Variants in ZNF148 observed in about 807,000 individuals in gnomAD.
ZNF148 encodes Beta-Enolase Repressor Factor-1.
In ZNF148, 7 loss-of-function variants were observed where a neutral mutation model predicts 67.7. The observed-to-expected ratio is 0.10, with a 90% CI of 0.06 to 0.19. The LOEUF (loss-of-function observed/expected upper bound fraction) is 0.19. ZNF148 is among the 10% of genes least tolerant of loss of function. The probability of loss-of-function intolerance (pLI) is 1.00; values close to 1 mark genes in which losing one functional copy is unlikely to be tolerated. For synonymous variants in ZNF148, 333 were observed against 330.7 expected, an observed-to-expected ratio of 1.01 and a Z score of -0.08; for missense variants, 583 against 947.1, an observed-to-expected ratio of 0.62 and a Z score of 5.05.
intron 5 of ZNF148, among the ~76,000 whole-genome samples, chr3:125,284,314 G>A (rs1938544288): frequency 6.6e-6 from 1 of 152,132 alleles, no homozygotes; most frequent in Admixed American, 6.5e-5. Context: ...AACTTCTAGT[G>A]TCAAGATTTG....
intron 3 of ZNF148, among the ~76,000 whole-genome samples, chr3:125,319,204 C>T (rs1940662949): frequency 1.3e-5 from 2 of 152,122 alleles, no homozygotes; most frequent in South Asian, 4.2e-4. Context: ...TGGTCACCTT[C>T]TAATTTAATG....
intron 7 of ZNF148, among the ~76,000 whole-genome samples, chr3:125,249,900 A>G (rs1156949382): frequency 6.6e-6 from 1 of 152,204 alleles, no homozygotes; most frequent in South Asian, 2.1e-4. Context: ...GGAGGACATT[A>G]TATTAGTTGA....
intron 5 of ZNF148, among the ~76,000 whole-genome samples, chr3:125,280,596 C>G (rs761512632): frequency 3.7e-4 from 56 of 150,976 alleles, no homozygotes; most frequent in Non-Finnish European, 6.3e-4. Context: ...ATGGGAGGAT[C>G]ACTTGGGCCA....
chr3:125,232,046 T>G lies in ZNF148; in HGVS notation c.*295A>C. On this transcript the variant is annotated 3_prime_UTR_variant, in exon 9 of 9. Coordinates refer to ENST00000360647, the MANE Select transcript of ZNF148 (RefSeq NM_021964.3). The surrounding 1 kb of genome is among the most constrained non-coding windows in gnomAD (Gnocchi z 4.2). ...TACAATGTTATCAGTTAGGAAACAA[T>G]TGTGCGAAAGTCTTTTTTTTTTCCT... is the stretch of plus-strand genomic sequence containing the variant. 3.7e-6 allele frequency: 1 copy of G among 270,994 alleles called. No homozygotes were observed. The highest frequency in any genetic ancestry group is 7.0e-6 in the Non-Finnish European group (1 of 142,928). 16.8% of individuals were successfully genotyped at this position (270,994 alleles called of 1,614,324 possible).
chr3:125,286,874 C>G (rs533358823), intron 5 of ZNF148, among the ~76,000 whole-genome samples: 14 of 152,230 alleles, frequency 9.2e-5, no homozygotes, highest in African/African-American at 3.4e-4. Flanking sequence ...ATTTTAGTCT[C>G]TATGTTTTTC....
In ZNF148 at chr3:125,317,631, T is replaced by C. The variant is rs867795639; in HGVS notation, c.-16-3975A>G. Among the ~76,000 whole-genome samples the C allele has an allele frequency of 5.0e-4, 49 of 97,406 alleles. 1 individual carries two copies. The highest frequency in any genetic ancestry group is 7.0e-3 in the Middle Eastern group (1 of 142). The allele number at this position is 97,406 out of a possible 152,430, so 63.9% of individuals were successfully genotyped here. A position where few individuals can be genotyped will look rare whatever the true frequency, so the allele number is the denominator to read the frequency against. On this transcript the variant is annotated intron_variant, in intron 3 of 8. Coordinates refer to ENST00000360647, the MANE Select transcript of ZNF148 (RefSeq NM_021964.3). Reference sequence around the variant, plus strand: ...AAAAAATCAAGGAGAACTATGTAGATAGTAAGATCTTTTATATATATATAT... The same window carrying C: ...AAAAAATCAAGGAGAACTATGTAGACAGTAAGATCTTTTATATATATATAT...
intron 1 of ZNF148, among the ~76,000 whole-genome samples, chr3:125,358,465 G>C (rs1473241895): frequency 6.6e-6 from 1 of 151,888 alleles, no homozygotes; most frequent in Non-Finnish European, 1.5e-5. Flanking sequence ...CGTTTTTCTT[G>C]TCTGTTCTCA....
In ZNF148 at chr3:125,232,265, C is replaced by A. The variant is rs996304269; in HGVS notation, c.*76G>T. On this transcript the variant is annotated 3_prime_UTR_variant, in exon 9 of 9. Coordinates refer to ENST00000360647, the MANE Select transcript of ZNF148 (RefSeq NM_021964.3). This position sits in a 1 kb window ranked among gnomAD's most constrained non-coding sequence, Gnocchi z 4.2. ...ATTGCTCTTAAATCTGTACAGCACT[C>A]CATTTACACAGAGTAACCCCACTCT... is the stretch of plus-strand genomic sequence containing the variant. The A allele has an allele frequency of 7.7e-5, 113 of 1,473,250 alleles. No homozygotes were observed. The highest frequency in any genetic ancestry group is 9.4e-5 in the Non-Finnish European group (104 of 1,105,678). 91.3% of individuals were successfully genotyped at this position (1,473,250 alleles called of 1,614,324 possible).
intron 2 of ZNF148, among the ~76,000 whole-genome samples, chr3:125,330,120 T>TA (rs1941220845): frequency 6.6e-6 from 1 of 151,974 alleles, no homozygotes; most frequent in Non-Finnish European, 1.5e-5. Flanking sequence ...AACAGGAAAA[T>TA]CCTAAAATAT....
chr3:125,302,378 A>G (rs1025042428), intron 4 of ZNF148, among the ~76,000 whole-genome samples: 1 of 145,002 alleles, frequency 6.9e-6, no homozygotes, highest in African/African-American at 2.5e-5. Context: ...ACCCTGTCTC[A>G]AAAAAAAAAA....
chr3:125,267,283 G>T (rs1008012723), intron 7 of ZNF148, among the ~76,000 whole-genome samples: 5 of 151,154 alleles, frequency 3.3e-5, no homozygotes, highest in Non-Finnish European at 7.4e-5. Context: ...AAAACTAAAG[G>T]CCAACATCCC....
At chr3:125,247,816 T>A (rs1265994979) in intron 7 of ZNF148, among the ~76,000 whole-genome samples, 1 of 152,156 alleles carries the variant, frequency 6.6e-6, no homozygotes, top group Non-Finnish European at 1.5e-5. Context: ...TGAAAACTGA[T>A]CAATTACCTC....
At chr3:125,329,314 TATATA>T (rs1302500330) in intron 2 of ZNF148, among the ~76,000 whole-genome samples, 5 of 144,864 alleles carry the variant, frequency 3.5e-5, no homozygotes, top group Non-Finnish European at 6.0e-5. Context: ...ATACTACAGA[TATATA>T]TATAATTTTT....
At chr3:125,253,756 C>T (rs1043249106) in intron 7 of ZNF148, among the ~76,000 whole-genome samples, 93 of 152,112 alleles carry the variant, frequency 6.1e-4, no homozygotes, top group African/African-American at 2.1e-3. Context: ...AGTTTTGATA[C>T]TTGAAAAGTT....
intron 1 of ZNF148, among the ~76,000 whole-genome samples, chr3:125,341,452 G>A (rs1158273407): frequency 6.6e-6 from 1 of 151,620 alleles, no homozygotes; most frequent in Admixed American, 6.6e-5. Context: ...GACCCCATCT[G>A]TACAAAAAAA....
chr3:125,300,221 C>T (rs575954303), intron 4 of ZNF148, among the ~76,000 whole-genome samples: 1 of 152,276 alleles, frequency 6.6e-6, no homozygotes, highest in Admixed American at 6.5e-5. Context: ...ATGTGCCCAC[C>T]TCAGCCTCCC....
At chr3:125,234,400 T>C (rs1368182128) in intron 7 of ZNF148, 71 bp from the exon 8 acceptor site, 6 of 1,083,596 alleles carry the variant, frequency 5.5e-6, no homozygotes, top group Non-Finnish European at 6.8e-6. Flanking sequence ...GCCATAAGAA[T>C]CTCTAAAATA....
chr3:125,284,484 A>C (rs1033944630), intron 5 of ZNF148, among the ~76,000 whole-genome samples: 2 of 152,186 alleles, frequency 1.3e-5, no homozygotes, highest in Non-Finnish European at 2.9e-5. Context: ...ATAACACTTA[A>C]AGTCTAGCAG....
At chr3:125,323,243 C>T (rs1170995856) in intron 3 of ZNF148, 66 bp downstream of exon 3, 1 of 474,878 alleles carries the variant, frequency 2.1e-6, no homozygotes, top group African/African-American at 2.0e-5. Flanking sequence ...AGCAGCTGAA[C>T]ACAATGACTT....
Sources: allele counts gnomAD v4.1 joint callset (sites outside exome capture counted in the v4.1 genomes callset), GRCh38; gene constraint gnomAD v4.1.1; non-coding constraint Gnocchi (gnomAD v3.1); transcripts MANE v1.5; gene names NCBI Gene and HGNC (gene_info 2026-07-23, HGNC 2026-07-21).